The following SLIT2 variants were observed in gnomAD, a reference collection of about 807,000 sequenced individuals.
SLIT2 encodes the protein slit guidance ligand 2, also known as slit homolog 2 protein.
SLIT2 carries 41 observed loss-of-function variants against 185.7 expected under a neutral mutation model. The observed-to-expected ratio is 0.22, with a 90% CI of 0.17 to 0.29. The LOEUF is 0.29. Among genes scored for constraint, SLIT2 ranks in the 10% least tolerant of loss-of-function variants. The pLI is 1.00. For synonymous variants in SLIT2, 693 were observed against 680.2 expected, an observed-to-expected ratio of 1.02 and a Z score of -0.29; for missense variants, 1,571 against 1,909.0, an observed-to-expected ratio of 0.82 and a Z score of 3.30.
chr4:20,473,462 G>A (rs1715781343), intron 5 of SLIT2, among the ~76,000 whole-genome samples: 1 of 151,944 alleles, frequency 6.6e-6, no homozygotes, highest in African/African-American at 2.4e-5. Flanking sequence ...ATTTTAGGAA[G>A]GAAGTCACCC....
In SLIT2 at chr4:20,528,753, T is replaced by C. The variant is rs1435814212; in HGVS notation, c.1463-196T>C. 1.3e-5 allele frequency among the ~76,000 whole-genome samples: 2 copies of C among 152,208 alleles called. No homozygotes were observed. The highest frequency in any genetic ancestry group is 2.9e-5 in the Non-Finnish European group (2 of 68,038). ...ACTTTATTAATGTTTTCCTGTCATG[T>C]GAATCTGGTCACTCTTTTTTCCAGA... is the stretch of plus-strand genomic sequence containing the variant. On this transcript the variant is annotated intron_variant, in intron 15 of 36. Transcript: ENST00000504154. This position sits in a 1 kb window ranked among gnomAD's most constrained non-coding sequence, Gnocchi z 4.2.
At chr4:20,472,466 C>CTA (rs1221168285) in intron 5 of SLIT2, among the ~76,000 whole-genome samples, 4 of 26,676 alleles carry the variant, frequency 1.5e-4, no homozygotes, top group African/African-American at 6.5e-4. Context: ...ATATCTATAT[C>CTA]TATATATAGA....
chr4:20,424,960 C>G (rs537830753), intron 4 of SLIT2, among the ~76,000 whole-genome samples: 1 of 152,158 alleles, frequency 6.6e-6, no homozygotes, highest in Non-Finnish European at 1.5e-5. Context: ...CATATTTATT[C>G]TTTCTAAATA....
intron 29 of SLIT2, among the ~76,000 whole-genome samples, chr4:20,579,230 C>T (rs1483509323): frequency 1.3e-5 from 2 of 150,180 alleles, no homozygotes; most frequent in Non-Finnish European, 1.5e-5. Context: ...ACCCAGGAGG[C>T]GGAGGTTACA....
Position 20,553,912 on chromosome 4 carries a change from G to T in SLIT2, c.2669G>T (p.Gly890Val), listed in dbSNP as rs759999002. ...EPGIARCAGPGEMADKLLLTT... is the reference protein window; with the variant it reads ...EPGIARCAGPVEMADKLLLTT... Reference sequence around the variant, plus strand: ...GGAATTGCTCGTTGTGCTGGTCCTGGAGAAATGGCAGATAAACTTTTACTC... The same window carrying T: ...GGAATTGCTCGTTGTGCTGGTCCTGTAGAAATGGCAGATAAACTTTTACTC... Residue 890 changes from glycine (G) to valine (V), a missense_variant, in exon 26 of 37, where the codon GGA (glycine) becomes GTA (valine). Physicochemically the swap from Gly to Val is moderately radical, Grantham distance 109 (BLOSUM62 -3). Around this residue, in one of 3 missense-constraint regions of SLIT2, gnomAD observed 1,202 missense variants for 1,416.4 expected, o/e 0.85. Coordinates refer to ENST00000504154, the MANE Select transcript of SLIT2 (RefSeq NM_004787.4). 6.2e-7 allele frequency: 1 copy of T among 1,611,758 alleles called. No homozygotes were observed. The highest frequency in any genetic ancestry group is 1.7e-5 in the Admixed American group (1 of 59,414).
intron 4 of SLIT2, among the ~76,000 whole-genome samples, chr4:20,311,568 C>A (rs1718111364): frequency 6.6e-6 from 1 of 152,054 alleles, no homozygotes; most frequent in African/African-American, 2.4e-5. Context: ...CATATGTGAC[C>A]TTACTGGAAG....
intron 9 of SLIT2, among the ~76,000 whole-genome samples, chr4:20,499,566 T>C (rs1718523369): frequency 6.6e-6 from 1 of 152,202 alleles, no homozygotes; most frequent in Non-Finnish European, 1.5e-5. Flanking sequence ...CTTGGCTTAC[T>C]GCAAGGTCCG....
chr4:20,292,772 CCTAG>C (rs1296700576), intron 4 of SLIT2, among the ~76,000 whole-genome samples: 7 of 152,116 alleles, frequency 4.6e-5, no homozygotes, highest in Non-Finnish European at 1.0e-4. Flanking sequence ...GTGACAGCTT[CCTAG>C]CTTTTTCTTT....
chr4:20,472,713 T>A (rs1237512118), intron 5 of SLIT2, among the ~76,000 whole-genome samples: 2 of 144,630 alleles, frequency 1.4e-5, no homozygotes, highest in Admixed American at 7.2e-5. Flanking sequence ...TTGAACAGGG[T>A]CATGTTACAT....
chr4:20,272,949 GAATACTT>G (rs1172260772), intron 4 of SLIT2, among the ~76,000 whole-genome samples: 1 of 152,056 alleles, frequency 6.6e-6, no homozygotes, highest in Non-Finnish European at 1.5e-5. Context: ...ATGGCCTAGT[GAATACTT>G]ACCTGAGACA....
chr4:20,555,869 A>G (rs565564415), intron 26 of SLIT2, among the ~76,000 whole-genome samples: 9 of 151,960 alleles, frequency 5.9e-5, no homozygotes, highest in East Asian at 5.8e-4. Context: ...CTTAAACTGT[A>G]TTTTCTCCTT....
rs182180725 is a variant in SLIT2 at position 20,268,388 on chromosome 4, T to A, written c.324-422T>A. Among the ~76,000 whole-genome samples the A allele has an allele frequency of 5.5e-3, 838 of 151,806 alleles. 18 individuals are homozygous for A. Among genetic ancestry groups the A allele is most frequent in the Middle Eastern group, 0.01 (3 of 294 alleles). ...ATGAAAAGCTAAGAAAGTTGAAATT[T>A]CCATCTCCCCACAATTCCTTGGCTG... is the stretch of plus-strand genomic sequence containing the variant. On this transcript the variant is annotated intron_variant, in intron 3 of 36. Coordinates refer to ENST00000504154, the MANE Select transcript of SLIT2 (RefSeq NM_004787.4).
chr4:20,515,386 A>G (rs1553916017), intron 11 of SLIT2, among the ~76,000 whole-genome samples: 4 of 151,984 alleles, frequency 2.6e-5, no homozygotes, highest in Non-Finnish European at 5.9e-5. Flanking sequence ...CTCTTTTCCC[A>G]TTCTTTTCAT....
At chr4:20,505,148 A>G (rs1373118858) in intron 9 of SLIT2, among the ~76,000 whole-genome samples, 1 of 152,096 alleles carries the variant, frequency 6.6e-6, no homozygotes, top group African/African-American at 2.4e-5. Context: ...GAAATAAAAT[A>G]CCATATTTTT....
intron 4 of SLIT2, among the ~76,000 whole-genome samples, chr4:20,303,313 T>G (rs2109112136): frequency 6.6e-6 from 1 of 152,350 alleles, no homozygotes; most frequent in East Asian, 1.9e-4. Context: ...TGAAACAAAG[T>G]GCAGTGGCTC....
At chr4:20,617,733 G>GAAAAAAAAAAAAA in intron 36 of SLIT2, 83 bp downstream of exon 36, 2 of 496,986 alleles carry the variant, frequency 4.0e-6, no homozygotes, top group Non-Finnish European at 7.1e-6. Context: ...GAGAAAAAGT[G>GAAAAAAAAAAAAA]AAAAAAAAAA....
intron 4 of SLIT2, among the ~76,000 whole-genome samples, chr4:20,310,053 G>A (rs577978371): frequency 1.5e-4 from 23 of 152,144 alleles, no homozygotes; most frequent in Non-Finnish European, 2.8e-4. Flanking sequence ...GAGCCACCGC[G>A]TCCGGCCCCT....
At chr4:20,257,837 A>G (rs746865775) in intron 2 of SLIT2, 31 bp from the exon 3 acceptor site, 8 of 1,161,306 alleles carry the variant, frequency 6.9e-6, no homozygotes, top group African/African-American at 4.6e-5. Flanking sequence ...GAGTGGTAAC[A>G]TTAAGAAGCA....
chr4:20,527,480 T>G (rs908724968), intron 15 of SLIT2, among the ~76,000 whole-genome samples: 1 of 152,064 alleles, frequency 6.6e-6, no homozygotes, highest in African/African-American at 2.4e-5. Flanking sequence ...TGGAGATGGG[T>G]TTTCACCCGT....
Sources: gnomAD v4.1 joint callset for allele counts (sites outside exome capture counted in the v4.1 genomes callset) on GRCh38, gnomAD v4.1.1 for gene constraint, gnomAD v4.1.1 regional missense constraint, Gnocchi (gnomAD v3.1) non-coding constraint, MANE v1.5 for transcripts, NCBI Gene and HGNC (gene_info 2026-07-23, HGNC 2026-07-21) for gene names.